FLT1: variants seen among roughly 807,000 people sequenced by gnomAD.
FLT1 encodes vascular endothelial growth factor receptor 1.
A neutral mutation model predicts 156.3 loss-of-function variants in FLT1; 49 were observed. The observed-to-expected ratio is 0.31, with a 90% confidence interval of 0.25 to 0.40. The LOEUF (loss-of-function observed/expected upper bound fraction) is 0.40. Among genes scored for constraint, FLT1 ranks in the 10% least tolerant of loss-of-function variants. The probability of loss-of-function intolerance (pLI) is 1.00; values close to 1 mark genes in which losing one functional copy is unlikely to be tolerated. For missense variants in FLT1, 1,322 were observed against 1,637.2 expected (o/e 0.81, Z 3.32); for synonymous variants, 594 against 583.8 (o/e 1.02, Z -0.25).
intron 18 of FLT1, 35 bp downstream of exon 18, chr13:28,333,990 T>C (rs1566291220): frequency 1.6e-6 from 2 of 1,257,684 alleles, no homozygotes; most frequent in Non-Finnish European, 2.3e-6. Flanking sequence ...AAAATGGTGA[T>C]GGGTCAGTTG....
chr13:28,421,286 A>T (rs1212230925), intron 10 of FLT1, among the ~76,000 whole-genome samples: 1 of 152,100 alleles, frequency 6.6e-6, no homozygotes, highest in Non-Finnish European at 1.5e-5. Flanking sequence ...AAAACCCCCC[A>T]TTTTATCTAA....
intron 11 of FLT1, among the ~76,000 whole-genome samples, chr13:28,397,405 C>A (rs905475587): frequency 1.3e-5 from 2 of 152,130 alleles, no homozygotes; most frequent in African/African-American, 4.8e-5. Context: ...AGTTCCACAT[C>A]AATGAGAGGA....
chr13:28,434,852 C>T (rs1327228871), intron 4 of FLT1, among the ~76,000 whole-genome samples: 3 of 152,208 alleles, frequency 2.0e-5, no homozygotes, highest in Non-Finnish European at 4.4e-5. Flanking sequence ...CACTGCACTC[C>T]AGCCTGGGTG....
chr13:28,335,461 A>T (rs1297361478), intron 17 of FLT1, among the ~76,000 whole-genome samples: 1 of 152,056 alleles, frequency 6.6e-6, no homozygotes, highest in Non-Finnish European at 1.5e-5. Context: ...ATTTTCTTGT[A>T]GTTTGTAATG....
At chr13:28,343,460 C>T (rs1391030432) in intron 16 of FLT1, among the ~76,000 whole-genome samples, 1 of 150,964 alleles carries the variant, frequency 6.6e-6, no homozygotes, top group Non-Finnish European at 1.5e-5. Context: ...CCACCATGCC[C>T]AGCTAATTTT....
At chr13:28,449,339 C>G (rs192996917) in intron 3 of FLT1, among the ~76,000 whole-genome samples, 1 of 152,154 alleles carries the variant, frequency 6.6e-6, no homozygotes, top group Admixed American at 6.5e-5. Context: ...AATGAAACAT[C>G]TCTGCCTTCA....
chr13:28,377,514 A>G (rs1873891873), intron 14 of FLT1, among the ~76,000 whole-genome samples: 1 of 151,636 alleles, frequency 6.6e-6, no homozygotes, highest in East Asian at 1.9e-4. Flanking sequence ...GGCAGGACAC[A>G]CAGGGTTGTT....
chr13:28,474,716 T>G (rs1313259564), intron 1 of FLT1, among the ~76,000 whole-genome samples: 1 of 152,130 alleles, frequency 6.6e-6, no homozygotes, highest in East Asian at 1.9e-4. Flanking sequence ...TTGGGGGTGA[T>G]GAAAATGTTC....
chr13:28,447,067 A>T (rs1878657536), intron 3 of FLT1, among the ~76,000 whole-genome samples: 1 of 151,870 alleles, frequency 6.6e-6, no homozygotes, highest in Admixed American at 6.6e-5. Context: ...ACAGCTCCAC[A>T]TGCAAAAGAA....
chr13:28,367,219 G>A (rs1424093057), intron 14 of FLT1, among the ~76,000 whole-genome samples: 1 of 152,188 alleles, frequency 6.6e-6, no homozygotes, highest in Admixed American at 6.5e-5. Flanking sequence ...CTCAGTTCCT[G>A]GAGCTTAGAA....
chr13:28,311,706 A>G lies in FLT1; in HGVS notation c.3519T>C (p.Asn1173=). The G allele has an allele frequency of 6.2e-7, 1 of 1,614,068 alleles. No individual in the cohort carries two copies. Among genetic ancestry groups the G allele is most frequent in the Non-Finnish European group, 8.5e-7 (1 of 1,179,960 alleles). Residue 1173 remains asparagine (N), a synonymous_variant, in exon 27 of 30, where the codon AAT becomes AAC. Transcript: ENST00000282397. ...QQDGKDYIPI[N]AILTGNSGFT... ...ACCCACTATTTCCTGTCAGTATGGC[A>G]TTGATTGGGATGTAGTCTTTACCAT... is the stretch of plus-strand genomic sequence containing the variant.
intron 10 of FLT1, among the ~76,000 whole-genome samples, chr13:28,426,801 T>A (rs116421994): frequency 1.3e-5 from 2 of 152,160 alleles, no homozygotes; most frequent in African/African-American, 4.8e-5. Flanking sequence ...AAAATGGGAA[T>A]GCTAATGCAA....
chr13:28,430,190 T>G, intron 7 of FLT1, 23 bp from the exon 8 acceptor site: 10 of 1,516,350 alleles, frequency 6.6e-6, no homozygotes, highest in Non-Finnish European at 8.3e-6. Flanking sequence ...AAGTGATACA[T>G]ACATTAGAAA....
intron 1 of FLT1, among the ~76,000 whole-genome samples, chr13:28,490,430 C>T (rs1380056442): frequency 6.6e-6 from 1 of 152,176 alleles, no homozygotes; most frequent in African/African-American, 2.4e-5. Flanking sequence ...CCTTAATGAA[C>T]CCCCCTGCAG....
chr13:28,375,988 C>T (rs1873822452), intron 14 of FLT1, among the ~76,000 whole-genome samples: 2 of 152,238 alleles, frequency 1.3e-5, no homozygotes, highest in South Asian at 4.1e-4. Flanking sequence ...AGCAAAACTG[C>T]TGATTCTAGT....
At chr13:28,429,378 C>T (rs1454433585) in intron 8 of FLT1, among the ~76,000 whole-genome samples, 2 of 152,126 alleles carry the variant, frequency 1.3e-5, no homozygotes, top group African/African-American at 4.8e-5. Context: ...AATGTAATGA[C>T]TTGAGCCAAA....
At chr13:28,455,916 G>C (rs1325808217) in intron 3 of FLT1, among the ~76,000 whole-genome samples, 1 of 152,206 alleles carries the variant, frequency 6.6e-6, no homozygotes, top group Non-Finnish European at 1.5e-5. Flanking sequence ...AAATAACAAT[G>C]AGAGACCATT....
At chr13:28,375,196 G>A (rs1593720578) in intron 14 of FLT1, among the ~76,000 whole-genome samples, 2 of 152,162 alleles carry the variant, frequency 1.3e-5, no homozygotes, top group East Asian at 1.9e-4. Context: ...AGATACTTTG[G>A]GGCTGACTGA....
intron 14 of FLT1, 129 bp from the exon 15 acceptor site, chr13:28,357,814 G>A (rs1872954984): frequency 1.2e-6 from 1 of 812,172 alleles, no homozygotes; most frequent in South Asian, 1.4e-5. Context: ...TGAACCTGGG[G>A]CAGGGTTGCT....
Sources: gnomAD v4.1 joint callset for allele counts (sites outside exome capture counted in the v4.1 genomes callset) on GRCh38, gnomAD v4.1.1 for gene constraint, MANE v1.5 for transcripts, NCBI Gene and HGNC (gene_info 2026-07-23, HGNC 2026-07-21) for gene names.